CNBD1: variants seen among roughly 807,000 people sequenced by gnomAD.
The protein encoded by CNBD1 is cyclic nucleotide binding domain containing 1.
CNBD1 carries 71 observed loss-of-function variants against 54.4 expected under a neutral mutation model. The ratio of observed to expected loss-of-function variants is 1.30; its 90% CI spans 1.08 to 1.59. The LOEUF (loss-of-function observed/expected upper bound fraction) is 1.59, where lower values mean the gene tolerates loss of function less well. Ranked by LOEUF, CNBD1 falls within the 40% of genes most tolerant of loss-of-function variation. The pLI, the probability that CNBD1 is intolerant of heterozygous loss-of-function variation, is 0.00. For missense variants in CNBD1, 659 were observed against 518.0 expected, an observed-to-expected ratio of 1.27 and a Z score of -2.64; for synonymous variants, 182 against 170.7, an observed-to-expected ratio of 1.07 and a Z score of -0.51.
At chr8:87,262,838 A>G (rs923733572) in intron 6 of CNBD1, among the ~76,000 whole-genome samples, 8 of 152,268 alleles carry the variant, frequency 5.3e-5, no homozygotes, top group Non-Finnish European at 7.4e-5. Flanking sequence ...TCACTTTTAT[A>G]GACAGTTTTA....
At chr8:87,286,775 A>G (rs1343180425) in intron 8 of CNBD1, 104 bp downstream of exon 8, 4 of 771,776 alleles carry the variant, frequency 5.2e-6, no homozygotes, top group Non-Finnish European at 8.3e-6. Flanking sequence ...CTTCATATAA[A>G]TATTCTCTAA....
chr8:87,035,473 ATATACT>A (rs1446729242), intron 4 of CNBD1, among the ~76,000 whole-genome samples: 1 of 152,248 alleles, frequency 6.6e-6, no homozygotes, highest in Non-Finnish European at 1.5e-5. Context: ...ACTTTATTAC[ATATACT>A]TCAATTTTTA....
intron 8 of CNBD1, among the ~76,000 whole-genome samples, chr8:87,332,960 G>A (rs149139407): frequency 0.024 from 3,590 of 152,164 alleles, 69 homozygotes; most frequent in Non-Finnish European, 0.035. Context: ...AATTACTTTG[G>A]GCAGTATGGT....
chr8:86,985,816 A>G (rs1426645619), intron 4 of CNBD1, among the ~76,000 whole-genome samples: 1 of 152,180 alleles, frequency 6.6e-6, no homozygotes, highest in African/African-American at 2.4e-5. Flanking sequence ...ATTCCCACCA[A>G]CAATGGTTAA....
intron 6 of CNBD1, among the ~76,000 whole-genome samples, chr8:87,258,622 T>C (rs374271422): frequency 2.6e-5 from 4 of 151,938 alleles, no homozygotes; most frequent in Non-Finnish European, 5.9e-5. Context: ...TACATGAAAA[T>C]CTTGTTGAAG....
At chr8:87,238,300 A>G (rs972588660) in intron 6 of CNBD1, among the ~76,000 whole-genome samples, 3 of 152,128 alleles carry the variant, frequency 2.0e-5, no homozygotes, top group Non-Finnish European at 4.4e-5. Context: ...AGGCCAAGAA[A>G]CCAATGTGGA....
At chr8:87,029,521 G>A (rs995656237) in intron 4 of CNBD1, among the ~76,000 whole-genome samples, 4 of 152,028 alleles carry the variant, frequency 2.6e-5, no homozygotes, top group African/African-American at 9.7e-5. Flanking sequence ...TCCCTCATGT[G>A]CTCTCATAGA....
intron 4 of CNBD1, among the ~76,000 whole-genome samples, chr8:87,038,051 T>G (rs75183343): frequency 0.027 from 4,051 of 152,244 alleles, 163 homozygotes; most frequent in African/African-American, 0.079. Flanking sequence ...AATGAGGATC[T>G]CACAGTTTGA....
chr8:87,001,172 C>T (rs1298521842), intron 4 of CNBD1, among the ~76,000 whole-genome samples: 1 of 151,654 alleles, frequency 6.6e-6, no homozygotes, highest in Non-Finnish European at 1.5e-5. Flanking sequence ...TATGTCTGTT[C>T]TGTTATTGCT....
Position 87,326,673 on chromosome 8 carries a change from C to T in CNBD1, c.1043-25012C>T, listed in dbSNP as rs1170772327. Among the ~76,000 whole-genome samples the T allele has an allele frequency of 8.6e-5, 9 of 104,126 alleles. No homozygotes were observed. In the South Asian group the frequency reaches 2.7e-3, roughly 31 times the overall value. The allele number at this position is 104,126 out of a possible 152,430, so 68.3% of individuals were successfully genotyped here. A position where few individuals can be genotyped will look rare whatever the true frequency, so the allele number is the denominator to read the frequency against. On this transcript the variant is annotated intron_variant, in intron 8 of 10. Transcript: ENST00000518476. ...GCTCCATCAGCTCCTTTAAGCACTT[C>T]TCTGTATTGGTTATTCTAGTTATAC...
intron 4 of CNBD1, among the ~76,000 whole-genome samples, chr8:87,130,905 A>G (rs1812105163): frequency 6.6e-6 from 1 of 151,722 alleles, no homozygotes; most frequent in Admixed American, 6.6e-5. Context: ...TCTGTTAGAT[A>G]TGTGCATATC....
Position 87,315,319 on chromosome 8 carries a change from A to G in CNBD1, c.1042+28648A>G, listed in dbSNP as rs192144836. Among the ~76,000 whole-genome samples the G allele has an allele frequency of 1.1e-4, 17 of 152,168 alleles. No homozygotes were observed. In the East Asian group the frequency reaches 2.9e-3, roughly 26 times the overall value. ...ACAGATTTATTTTCTTACCTCTGGT[A>G]TCTCTGTTTGTTTGTGTTGCTAAAA... On this transcript the variant is annotated intron_variant, in intron 8 of 10. Transcript: ENST00000518476.
rs532405541 is a variant in CNBD1, at chr8:87,284,730, C to T, written c.824C>T (p.Ser275Leu). The T allele has an allele frequency of 2.1e-4, 337 of 1,603,694 alleles. 5 individuals carry two copies. In the South Asian group the frequency reaches 3.4e-3, roughly 16 times the overall value. The change falls in exon 7 of 11, where the codon TCG becomes TTG. Residue 275 changes from serine (S) to leucine (L), a missense_variant. Transcript: ENST00000518476. The stretch of plus-strand genomic sequence containing the variant: ...CTGGAAGTTATGCCTCAGAATGAAT[C>T]GGAAACACAGATGTTCTCGGTGGTG... ...GTLEVMPQNE[S>L]ETQMFSVVTE...
intron 6 of CNBD1, among the ~76,000 whole-genome samples, chr8:87,260,949 T>A (rs1285454735): frequency 2.0e-5 from 3 of 151,956 alleles, no homozygotes; most frequent in Admixed American, 1.3e-4. Context: ...AGTCAATGAT[T>A]TTTCCTACCT....
At chr8:87,237,768 A>G (rs906302510) in intron 6 of CNBD1, among the ~76,000 whole-genome samples, 5 of 152,106 alleles carry the variant, frequency 3.3e-5, no homozygotes, top group Non-Finnish European at 7.4e-5. Flanking sequence ...ATTAAAACCA[A>G]ATAATTTAGC....
chr8:87,025,294 G>T (rs1809615374), intron 4 of CNBD1, among the ~76,000 whole-genome samples: 1 of 152,184 alleles, frequency 6.6e-6, no homozygotes, highest in South Asian at 2.1e-4. Context: ...ACCCCAGCCA[G>T]CTGGGGCAAC....
chr8:87,388,902 A>T (rs1241313905), intron 2 of CNBD1, among the ~76,000 whole-genome samples: 1 of 152,188 alleles, frequency 6.6e-6, no homozygotes, highest in South Asian at 2.1e-4. Context: ...CTTATCCAAC[A>T]TGATCAAGTG....
chr8:87,316,231 T>C (rs1360928134), intron 8 of CNBD1, among the ~76,000 whole-genome samples: 1 of 152,036 alleles, frequency 6.6e-6, no homozygotes, highest in Non-Finnish European at 1.5e-5. Context: ...AAATGACTCT[T>C]ACCAACGAAT....
chr8:87,312,674 T>C (rs1809293489), intron 8 of CNBD1, among the ~76,000 whole-genome samples: 1 of 152,076 alleles, frequency 6.6e-6, no homozygotes, highest in Non-Finnish European at 1.5e-5. Context: ...CATATATTGA[T>C]TTTTTAGCTT....
Sources: allele counts gnomAD v4.1 joint callset (sites outside exome capture counted in the v4.1 genomes callset), GRCh38; gene constraint gnomAD v4.1.1; transcripts MANE v1.5; gene names NCBI Gene and HGNC (gene_info 2026-07-23, HGNC 2026-07-21).